Variants in GAS2L2 observed in about 807,000 individuals in gnomAD.
GAS2L2 encodes the protein growth arrest specific 2 like 2.
Under a neutral mutation model 35.2 loss-of-function variants are expected in GAS2L2, and 21 were observed. The ratio of observed to expected loss-of-function variants is 0.60; its 90% CI spans 0.42 to 0.86. The LOEUF is 0.86. GAS2L2 is among the 40% of genes least tolerant of loss of function. The pLI is 0.00. For missense variants in GAS2L2, 1,169 were observed against 1,144.4 expected (o/e 1.02, Z -0.31); for synonymous variants, 490 against 473.2 (o/e 1.04, Z -0.46).
intron 1 of GAS2L2, among the ~76,000 whole-genome samples, chr17:35,752,251 T>C (rs1158496494): frequency 6.6e-6 from 1 of 152,188 alleles, no homozygotes; most frequent in Admixed American, 6.5e-5. Flanking sequence ...ATTGAAGTAA[T>C]CATCAACAAA....
In GAS2L2 at chr17:35,747,044, C is replaced by T. The variant is rs200003144; in HGVS notation, c.1057G>A (p.Ala353Thr). ...PRRERGAGTG[A>T]SREMAPFLRC... is the part of the protein sequence containing the mutation. ...AGGAATGGTGCCATCTCTCTGGAGGCCCCCGTCCCTGCTCCCCGTTCCCTG... is the reference window on the plus strand; with the variant it reads ...AGGAATGGTGCCATCTCTCTGGAGGTCCCCGTCCCTGCTCCCCGTTCCCTG... The change falls in exon 5 of 6, where the codon GCC (alanine) becomes ACC (threonine). Residue 353 changes from alanine (A) to threonine (T), a missense_variant. Physicochemically the swap from Ala to Thr is moderately conservative, Grantham distance 58. This residue lies in a region of GAS2L2 where 1,035 missense variants were observed against 976.5 expected (regional missense o/e 1.06). Coordinates refer to ENST00000604641, the MANE Select transcript of GAS2L2 (RefSeq NM_139285.4). 4 of 1,595,692 alleles carry T rather than the reference C, an allele frequency of 2.5e-6. No individual in the cohort carries two copies. Among genetic ancestry groups the T allele is most frequent in the East Asian group, 2.2e-5 (1 of 44,638 alleles).
In GAS2L2 at chr17:35,752,545, G is replaced by C. The variant is rs376658740; in HGVS notation, c.306C>G (p.Ala102=). The change falls in exon 1 of 6, where the codon GCC becomes GCG. Residue 102 remains alanine (A), a synonymous_variant. Transcript: ENST00000604641. ...TGGCCTGGAAGGTACCTGGCTGGGCGGCCCCATTGCAGGAGACCCCGACCC... is the reference window on the plus strand; with the variant it reads ...TGGCCTGGAAGGTACCTGGCTGGGCCGCCCCATTGCAGGAGACCCCGACCC... ...MPRVGVSCNG[A]AQPGTFQARD... The C allele has an allele frequency of 1.2e-6, 2 of 1,613,254 alleles. No homozygotes were observed. The highest frequency in any genetic ancestry group is 1.7e-6 in the Non-Finnish European group (2 of 1,179,360).
intron 3 of GAS2L2, among the ~76,000 whole-genome samples, chr17:35,748,443 G>T (rs587744865): frequency 6.6e-6 from 1 of 152,352 alleles, no homozygotes; most frequent in South Asian, 2.1e-4. Context: ...CTAGGGGAGG[G>T]CCCAGAGAGC....
chr17:35,746,053 A>G lies in GAS2L2; in HGVS notation c.1444T>C (p.Phe482Leu). 2 of 1,539,214 alleles carry G rather than the reference A, an allele frequency of 1.3e-6. No homozygotes were observed. The highest frequency in any genetic ancestry group is 1.8e-4 in the Middle Eastern group (1 of 5,672). Residue 482 changes from phenylalanine (F) to leucine (L), a missense_variant, in exon 6 of 6, where the codon TTC (phenylalanine) becomes CTC (leucine). Phe to Leu is a conservative substitution (Grantham distance 22). Coordinates refer to ENST00000604641, the MANE Select transcript of GAS2L2 (RefSeq NM_139285.4). ...LPLRDEAKGA[F>L]FQFREPESVR... Reference sequence around the variant, plus strand: ...GACTCTGGCTCCCTGAACTGGAAGAACGCACCCTTGGCCTCATCCCGGAGT... The same window carrying G: ...GACTCTGGCTCCCTGAACTGGAAGAGCGCACCCTTGGCCTCATCCCGGAGT...
At position 35,745,963 on chromosome 17, in the gene GAS2L2, G is replaced by A. The variant is rs1555598885; in HGVS notation, c.1534C>T (p.Pro512Ser). 2.5e-6 allele frequency: 4 copies of A among 1,605,216 alleles called. No individual in the cohort carries two copies. Among genetic ancestry groups the A allele is most frequent in the Non-Finnish European group, 2.6e-6 (3 of 1,173,952 alleles). Reference protein sequence around the residue: ...KIPIRLPPARPPTPGRSFPGA... With the variant: ...KIPIRLPPARSPTPGRSFPGA... ...GGAAAGCTCCTTCCTGGTGTTGGGG[G>A]GCGAGCAGGGGGCAGCCGGATGGGG... The change falls in exon 6 of 6, where the codon CCC (proline) becomes TCC (serine). Residue 512 changes from proline (P) to serine (S), a missense_variant. Physicochemically the swap from Pro to Ser is moderately conservative, Grantham distance 74 (BLOSUM62 -1). Coordinates refer to ENST00000604641, the MANE Select transcript of GAS2L2 (RefSeq NM_139285.4).
chr17:35,746,106 G>A lies in GAS2L2; in HGVS notation c.1391C>T (p.Pro464Leu). ...GPSPLPRSFGPAECLGLRLPL... is the reference protein window; with the variant it reads ...GPSPLPRSFGLAECLGLRLPL... ...CAGCCTGAGGCCCAGGCACTCGGCTGGGCCAAAGGAACGAGGCAGGGGAGA... is the reference window on the plus strand; with the variant it reads ...CAGCCTGAGGCCCAGGCACTCGGCTAGGCCAAAGGAACGAGGCAGGGGAGA... Residue 464 changes from proline to leucine, a missense_variant, in exon 6 of 6, where the codon CCA (proline) becomes CTA (leucine). By Grantham distance (98) the Pro-to-Leu change is moderately conservative. Around this residue, in one of 3 missense-constraint regions of GAS2L2, gnomAD observed 1,035 missense variants for 976.5 expected, o/e 1.06. Coordinates refer to ENST00000604641, the MANE Select transcript of GAS2L2 (RefSeq NM_139285.4). 6.6e-7 allele frequency: 1 copy of A among 1,515,086 alleles called. No individual in the cohort carries two copies. Among genetic ancestry groups the A allele is most frequent in the Non-Finnish European group, 8.8e-7 (1 of 1,132,276 alleles). The allele number at this position is 1,515,086 out of a possible 1,614,324, so 93.9% of individuals were successfully genotyped here. A position where few individuals can be genotyped will look rare whatever the true frequency, so the allele number is the denominator to read the frequency against.
chr17:35,744,747 G>A lies in GAS2L2; in HGVS notation c.*107C>T. On this transcript the variant is annotated 3_prime_UTR_variant, in exon 6 of 6. Transcript: ENST00000604641. ...GTCTTCTGACCCACTCCTGCCCAAG[G>A]CCCTGTGTGGAGGTGAGGGAACATC... 1 of 856,090 alleles carries A rather than the reference G, an allele frequency of 1.2e-6. No individual in the cohort carries two copies. Among genetic ancestry groups the A allele is most frequent in the African/African-American group, 1.7e-5 (1 of 59,036 alleles). The allele number at this position is 856,090 out of a possible 1,614,324, so 53.0% of individuals were successfully genotyped here.
chr17:35,751,860 T>C (rs1246317583), intron 1 of GAS2L2, among the ~76,000 whole-genome samples: 15 of 140,640 alleles, frequency 1.1e-4, no homozygotes, highest in Admixed American at 9.8e-4. Flanking sequence ...TTTTTTTTTT[T>C]TTTTTTTTTT....
rs146002583 is a variant in GAS2L2, at chr17:35,752,647, G to C, written c.204C>G (p.His68Gln). 3 of 1,613,780 alleles carry C rather than the reference G, an allele frequency of 1.9e-6. No homozygotes were observed. Among genetic ancestry groups the C allele is most frequent in the Non-Finnish European group, 2.5e-6 (3 of 1,179,798 alleles). The change falls in exon 1 of 6, where the codon CAC becomes CAG. Residue 68 changes from histidine to glutamine, a missense_variant. Around this residue, in one of 3 missense-constraint regions of GAS2L2, gnomAD observed 127 missense variants for 146.1 expected, o/e 0.87. Transcript: ENST00000604641. ...GGGCAGCGTCAGTGACAACGTTGGC[G>C]TGTTGGCACAGCACCAGGCCCGTTT... ...VLETGLVLCQHANVVTDAALA... is the reference protein window; with the variant it reads ...VLETGLVLCQQANVVTDAALA...
chr17:35,745,769 C>A lies in GAS2L2; in HGVS notation c.1728G>T (p.Trp576Cys). 1 of 1,613,838 alleles carries A rather than the reference C, an allele frequency of 6.2e-7. No individual in the cohort carries two copies. Among genetic ancestry groups the A allele is most frequent in the Non-Finnish European group, 8.5e-7 (1 of 1,180,046 alleles). The change falls in exon 6 of 6, where the codon TGG (tryptophan) becomes TGT (cysteine). Residue 576 changes from tryptophan to cysteine, a missense_variant. By Grantham distance (215) the Trp-to-Cys change is radical. Coordinates refer to ENST00000604641, the MANE Select transcript of GAS2L2 (RefSeq NM_139285.4). ...CCTCCTGCTCCTGTAGGCCCAGGTC[C>A]CAGGACTCTCTGGCCTCTGCCATGA... ...IQVMAEARES[W>C]DLGLQEQEGR...
At chr17:35,747,719 C>G (rs587765876) in intron 4 of GAS2L2, 130 bp downstream of exon 4, 1 of 721,962 alleles carries the variant, frequency 1.4e-6, no homozygotes. Flanking sequence ...TCCAGCCTCC[C>G]CCACACCTCC....
At position 35,744,944 on chromosome 17, in the gene GAS2L2, T is replaced by C. The variant is rs1832822235; in HGVS notation, c.2553A>G (p.Pro851=). 1.2e-6 allele frequency: 2 copies of C among 1,613,922 alleles called. No homozygotes were observed. Among genetic ancestry groups the C allele is most frequent in the African/African-American group, 1.3e-5 (1 of 75,046 alleles). The change falls in exon 6 of 6, where the codon CCA becomes CCG. Residue 851 remains proline (P), a synonymous_variant. Coordinates refer to ENST00000604641, the MANE Select transcript of GAS2L2 (RefSeq NM_139285.4). ...CTGGAGGTTGGGGGCTGCTCTCCAA[T>C]GGAGCGGCTGGCTCTTTCTCCTCCT... ...EGKEEKEPAA[P]LESSPQPPEG...
At chr17:35,750,804 A>G (rs972712245) in intron 1 of GAS2L2, among the ~76,000 whole-genome samples, 15 of 152,280 alleles carry the variant, frequency 9.9e-5, no homozygotes, top group African/African-American at 3.6e-4. Context: ...TCTGGAGCCA[A>G]CCACTAAGTC....
At position 35,745,188 on chromosome 17, in the gene GAS2L2, G is replaced by A. The variant is rs2085656630; in HGVS notation, c.2309C>T (p.Ser770Phe). 6.2e-7 allele frequency: 1 copy of A among 1,611,564 alleles called. No homozygotes were observed. The highest frequency in any genetic ancestry group is 8.5e-7 in the Non-Finnish European group (1 of 1,178,110). Residue 770 changes from serine to phenylalanine, a missense_variant, in exon 6 of 6, where the codon TCC becomes TTC. Physicochemically the swap from Ser to Phe is radical, Grantham distance 155. This residue lies in a region of GAS2L2 where 1,035 missense variants were observed against 976.5 expected (regional missense o/e 1.06). Transcript: ENST00000604641. ...RTLRKPKRVP[S>F]IYKLKLRPRI... ...GGGTCTCAGCTTCAGCTTGTAGATG[G>A]ACGGGACCCTCTTGGGCTTCCGGAG...
chr17:35,745,790 C>T lies in GAS2L2; in HGVS notation c.1707G>A (p.Met569Ile). 1 of 1,613,862 alleles carries T rather than the reference C, an allele frequency of 6.2e-7. No individual in the cohort carries two copies. Among genetic ancestry groups the T allele is most frequent in the Non-Finnish European group, 8.5e-7 (1 of 1,180,040 alleles). The change falls in exon 6 of 6, where the codon ATG (methionine) becomes ATA (isoleucine). Residue 569 changes from methionine to isoleucine, a missense_variant. Met to Ile is a conservative substitution (Grantham distance 10, BLOSUM62 1). Transcript: ENST00000604641. The stretch of plus-strand genomic sequence containing the variant: ...GGTCCCAGGACTCTCTGGCCTCTGC[C>T]ATGACCTGGATGTCCAGCTGCTGGT... ...QEDQQLDIQVMAEARESWDLG... is the reference protein window; with the variant it reads ...QEDQQLDIQVIAEARESWDLG...
In GAS2L2 at chr17:35,752,961, G is replaced by A. The variant is rs1047064600; in HGVS notation, c.-111C>T. On this transcript the variant is annotated 5_prime_UTR_variant, in exon 1 of 6. In the 5' UTR this introduces an upstream ATG that the reference lacks. Transcript: ENST00000604641. ...GGTTCTTCCTGATTCTGAGGTTCCC[G>A]TGTACTCGCTGAGAGCCCGGGACCT... 15 of 1,227,582 alleles carry A rather than the reference G, an allele frequency of 1.2e-5. No homozygotes were observed. Among genetic ancestry groups the A allele is most frequent in the South Asian group, 4.6e-5 (3 of 65,054 alleles). 76.0% of individuals were successfully genotyped at this position (1,227,582 alleles called of 1,614,324 possible).
intron 2 of GAS2L2, 109 bp downstream of exon 2, chr17:35,749,968 A>G: frequency 1.1e-6 from 1 of 947,768 alleles, no homozygotes. Flanking sequence ...CAGGGTGGAC[A>G]ATGGAGCTCA....
chr17:35,750,079 T>C lies in GAS2L2; in HGVS notation c.625A>G (p.Met209Val). ...AGGGCGTGTGCAGAGCCCCTCACCA[T>C]CTGGTCCAGGTTGCGGAAGTGGCAG... Reference protein sequence around the residue: ...QPCHFRNLDQMVQSLVSHCTC... With the variant: ...QPCHFRNLDQVVQSLVSHCTC... Residue 209 changes from methionine (M) to valine (V), a missense_variant and splice_region_variant, in exon 2 of 6, where the codon ATG becomes GTG. Physicochemically the swap from Met to Val is conservative, Grantham distance 21. Coordinates refer to ENST00000604641, the MANE Select transcript of GAS2L2 (RefSeq NM_139285.4). 1.2e-6 allele frequency: 2 copies of C among 1,602,972 alleles called. No individual in the cohort carries two copies. The highest frequency in any genetic ancestry group is 1.7e-6 in the Non-Finnish European group (2 of 1,176,206).
intron 5 of GAS2L2, 23 bp downstream of exon 5, chr17:35,746,993 C>T: frequency 1.3e-6 from 2 of 1,519,206 alleles, no homozygotes; most frequent in Non-Finnish European, 1.8e-6. Flanking sequence ...AAAAAGAGCC[C>T]CATCCCTGTC....
Sources: gnomAD v4.1 joint callset for allele counts (sites outside exome capture counted in the v4.1 genomes callset) on GRCh38, gnomAD v4.1.1 for gene constraint, gnomAD v4.1.1 regional missense constraint, MANE v1.5 for transcripts, NCBI Gene and HGNC (gene_info 2026-07-23, HGNC 2026-07-21) for gene names.